Variants in YEATS2 observed in about 807,000 individuals in gnomAD.
YEATS2 encodes YEATS domain containing 2.
A neutral mutation model predicts 163.2 loss-of-function variants in YEATS2; 77 were observed. The ratio of observed to expected loss-of-function variants is 0.47; its 90% CI spans 0.39 to 0.57. YEATS2 has a LOEUF of 0.57. YEATS2 is among the 20% of genes least tolerant of loss of function. The probability of loss-of-function intolerance (pLI) is 0.00; values close to 1 mark genes in which losing one functional copy is unlikely to be tolerated. For missense variants in YEATS2, 1,549 were observed against 1,729.8 expected (o/e 0.90, Z 1.85); for synonymous variants, 631 against 645.1 (o/e 0.98, Z 0.33).
chr3:183,782,855 T>G (rs1016211050), intron 19 of YEATS2, among the ~76,000 whole-genome samples: 2 of 152,234 alleles, frequency 1.3e-5, no homozygotes, highest in Non-Finnish European at 2.9e-5. Flanking sequence ...GATATTTTTC[T>G]GCAGAACAGC....
At position 183,811,032 on chromosome 3, in the gene YEATS2, C is replaced by T. The variant is rs181063362; in HGVS notation, c.*449C>T. ...GTTACCCTGAAGAGAGATTGGGCTTCAGCCTTCAGCAGGTGGTTCTCTCCC... is the reference window on the plus strand; with the variant it reads ...GTTACCCTGAAGAGAGATTGGGCTTTAGCCTTCAGCAGGTGGTTCTCTCCC... On this transcript the variant is annotated 3_prime_UTR_variant, in exon 31 of 31. Transcript: ENST00000305135. The T allele has an allele frequency of 1.6e-3, 278 of 173,412 alleles. No individual in the cohort carries two copies. The Middle Eastern group carries it at 0.019, about 12-fold the overall frequency. 10.7% of individuals were successfully genotyped at this position (173,412 alleles called of 1,614,324 possible).
Position 183,702,084 on chromosome 3 carries a change from TGAAGTGAA to T in YEATS2, c.-20+4092_-20+4099del, listed in dbSNP as rs958237789. On this transcript the variant is annotated intron_variant, in intron 1 of 30. Transcript: ENST00000305135. ...CAAGAATCAAATTCCGACTCATCCA[TGAAGTGAA>T]CTCCAGCCTTCGAAAGCTTTTTTTC... Among the ~76,000 whole-genome samples the T allele has an allele frequency of 2.6e-5, 4 of 152,344 alleles. No individual in the cohort carries two copies. In the East Asian group the frequency reaches 7.7e-4, roughly 29 times the overall value.
chr3:183,704,667 T>C lies in YEATS2; in HGVS notation c.-20+6674T>C, dbSNP rs151068648. On this transcript the variant is annotated intron_variant, in intron 1 of 30. Transcript: ENST00000305135. Reference sequence around the variant, plus strand: ...TTTTTTGAGACAGAGTCTCACTCTGTTGCCCAGGCTGGAGTGCAGTGGCGT... The same window carrying C: ...TTTTTTGAGACAGAGTCTCACTCTGCTGCCCAGGCTGGAGTGCAGTGGCGT... 2.3e-3 allele frequency among the ~76,000 whole-genome samples: 343 copies of C among 152,216 alleles called. 2 individuals are homozygous for C. The highest frequency in any genetic ancestry group is 1.3e-3 in the Non-Finnish European group (88 of 68,004).
At chr3:183,765,699 C>T (rs1291515668) in intron 15 of YEATS2, among the ~76,000 whole-genome samples, 1 of 151,944 alleles carries the variant, frequency 6.6e-6, no homozygotes, top group Non-Finnish European at 1.5e-5. Context: ...GTAATTCCAG[C>T]ACTTTAGGAG....
At chr3:183,807,814 C>T in intron 28 of YEATS2, 1 of 536,130 alleles carries the variant, frequency 1.9e-6, no homozygotes, top group East Asian at 3.2e-5. Context: ...GGATTATAGT[C>T]ATATTTTAAA....
At chr3:183,759,123 C>T (rs1407978591) in intron 13 of YEATS2, among the ~76,000 whole-genome samples, 158 bp downstream of exon 13, 1 of 152,218 alleles carries the variant, frequency 6.6e-6, no homozygotes, top group Non-Finnish European at 1.5e-5. Flanking sequence ...CAGGGTACTG[C>T]GGTTACAGGC....
At chr3:183,744,229 C>T (rs1719286127) in intron 8 of YEATS2, among the ~76,000 whole-genome samples, 1 of 150,780 alleles carries the variant, frequency 6.6e-6, no homozygotes, top group South Asian at 2.1e-4. Context: ...TCTTCTGCCT[C>T]ACCCTCCCAG....
rs1726781784 is a variant in YEATS2 at position 183,811,349 on chromosome 3, CACA to C, written c.*767_*769del. On this transcript the variant is annotated 3_prime_UTR_variant, in exon 31 of 31. Coordinates refer to ENST00000305135, the MANE Select transcript of YEATS2 (RefSeq NM_018023.5). Reference sequence around the variant, plus strand: ...ACTTGGCAGAAGTGTAGCAGCGTTACACATGTGTGCGAAGCAGATCGCAGGTTC... The same window carrying C: ...ACTTGGCAGAAGTGTAGCAGCGTTACTGTGTGCGAAGCAGATCGCAGGTTC... The C allele has an allele frequency of 1.3e-5, 2 of 152,634 alleles. No homozygotes were observed. Among genetic ancestry groups the C allele is most frequent in the African/African-American group, 4.8e-5 (2 of 41,458 alleles). 9.5% of individuals were successfully genotyped at this position (152,634 alleles called of 1,614,324 possible). A position where few individuals can be genotyped will look rare whatever the true frequency, so the allele number is the denominator to read the frequency against.
At chr3:183,707,140 A>C (rs1316846538) in intron 1 of YEATS2, among the ~76,000 whole-genome samples, 2 of 152,214 alleles carry the variant, frequency 1.3e-5, no homozygotes, top group African/African-American at 4.8e-5. Flanking sequence ...ATGAAATCTG[A>C]AACAGTTCTG....
intron 21 of YEATS2, among the ~76,000 whole-genome samples, chr3:183,795,491 G>T (rs1725062380): frequency 7.4e-6 from 1 of 134,476 alleles, no homozygotes; most frequent in Admixed American, 8.1e-5. Context: ...TTTAGAGACG[G>T]GGTCTTGCTT....
At chr3:183,704,034 C>T (rs1306482204) in intron 1 of YEATS2, among the ~76,000 whole-genome samples, 1 of 151,592 alleles carries the variant, frequency 6.6e-6, no homozygotes, top group Non-Finnish European at 1.5e-5. Context: ...GCCTGCAGTC[C>T]CAGCTACTTA....
intron 2 of YEATS2, among the ~76,000 whole-genome samples, chr3:183,715,952 CT>C (rs993048906): frequency 9.2e-5 from 14 of 152,076 alleles, no homozygotes; most frequent in African/African-American, 3.4e-4. Flanking sequence ...GCTAACTTTA[CT>C]TTTTTATTTA....
chr3:183,704,327 C>T (rs527967407), intron 1 of YEATS2, among the ~76,000 whole-genome samples: 3 of 152,046 alleles, frequency 2.0e-5, no homozygotes, highest in South Asian at 2.1e-4. Context: ...CTTTTAATAC[C>T]CTGCTGGATT....
intron 8 of YEATS2, among the ~76,000 whole-genome samples, chr3:183,737,536 A>G (rs139448376): frequency 1.8e-3 from 273 of 152,312 alleles, no homozygotes; most frequent in African/African-American, 6.3e-3. Context: ...CTCACCATCA[A>G]TGTGTTTCTT....
chr3:183,775,264 G>A (rs1722844492), intron 17 of YEATS2, among the ~76,000 whole-genome samples: 1 of 152,136 alleles, frequency 6.6e-6, no homozygotes, highest in Non-Finnish European at 1.5e-5. Context: ...CCCAAAAGTT[G>A]GGAAGCACCT....
intron 27 of YEATS2, 159 bp from the exon 28 acceptor site, chr3:183,806,707 T>C: frequency 1.5e-6 from 1 of 684,696 alleles, no homozygotes; most frequent in Non-Finnish European, 2.4e-6. Flanking sequence ...CGTGAATTAC[T>C]AGTTCTCATC....
At chr3:183,702,758 C>T (rs956036257) in intron 1 of YEATS2, among the ~76,000 whole-genome samples, 9 of 151,434 alleles carry the variant, frequency 5.9e-5, no homozygotes, top group South Asian at 2.1e-4. Context: ...TTCTTGAACC[C>T]GGGAGGCGGA....
In YEATS2 at chr3:183,730,052, G is replaced by GTTTTTTTTTTTT. The variant is rs869091775; in HGVS notation, c.812+1225_812+1236dup. ...ATATTAATTGTGTGGTTTTTTGTTT[G>GTTTTTTTTTTTT]TTTTTTTTTTTTTTTTTTTTTTTTT... On this transcript the variant is annotated intron_variant, in intron 7 of 30. Transcript: ENST00000305135. Among the ~76,000 whole-genome samples, 199 of 41,738 alleles carry GTTTTTTTTTTTT rather than the reference G, an allele frequency of 4.8e-3. 29 individuals carry two copies. Among genetic ancestry groups the GTTTTTTTTTTTT allele is most frequent in the Non-Finnish European group, 6.0e-3 (136 of 22,830 alleles). The allele number at this position is 41,738 out of a possible 152,430, so 27.4% of individuals were successfully genotyped here. A position where few individuals can be genotyped will look rare whatever the true frequency, so the allele number is the denominator to read the frequency against.
intron 8 of YEATS2, 41 bp downstream of exon 8, chr3:183,736,870 T>C (rs1046725695): frequency 1.9e-6 from 3 of 1,545,782 alleles, no homozygotes; most frequent in Middle Eastern, 1.7e-4. Context: ...TGAAGTCTCT[T>C]TTTACCAGCT....
Sources: allele counts gnomAD v4.1 joint callset (sites outside exome capture counted in the v4.1 genomes callset), GRCh38; gene constraint gnomAD v4.1.1; transcripts MANE v1.5; gene names NCBI Gene and HGNC (gene_info 2026-07-23, HGNC 2026-07-21).